ELOVL6: variants seen among roughly 807,000 people sequenced by gnomAD.
ELOVL6 encodes very long chain fatty acid elongase 6.
Under a neutral mutation model 31.7 loss-of-function variants are expected in ELOVL6, and 8 were observed. The observed-to-expected ratio is 0.25, with a 90% CI of 0.15 to 0.45. The LOEUF (loss-of-function observed/expected upper bound fraction) is 0.45, where lower values mean the gene tolerates loss of function less well. ELOVL6 is among the 20% of genes least tolerant of loss of function. ELOVL6 has a pLI of 1.00. For missense variants in ELOVL6, 126 were observed against 326.4 expected (o/e 0.39, Z 4.73); for synonymous variants, 101 against 117.7 (o/e 0.86, Z 0.92).
chr4:110,126,979 CA>C (rs397972931), intron 1 of ELOVL6, among the ~76,000 whole-genome samples: 128 of 145,432 alleles, frequency 8.8e-4, no homozygotes, highest in Admixed American at 1.6e-3. Context: ...ACTGTAATTA[CA>C]AAAAAAAAAT....
At chr4:110,082,067 TG>T (rs1352448066) in intron 2 of ELOVL6, among the ~76,000 whole-genome samples, 2 of 146,206 alleles carry the variant, frequency 1.4e-5, no homozygotes, top group Non-Finnish European at 3.0e-5. Flanking sequence ...CCAGTTAGAA[TG>T]GCAATCATTA....
chr4:110,167,052 G>A (rs1758799102), intron 1 of ELOVL6, among the ~76,000 whole-genome samples: 1 of 152,056 alleles, frequency 6.6e-6, no homozygotes, highest in Admixed American at 6.6e-5. Context: ...CCTGTCTCCT[G>A]CATGTCAGGC....
At chr4:110,084,137 G>GAT (rs1208624293) in intron 2 of ELOVL6, among the ~76,000 whole-genome samples, 2 of 60,908 alleles carry the variant, frequency 3.3e-5, no homozygotes, top group Non-Finnish European at 4.9e-5. Context: ...ATGTGATAAT[G>GAT]ATATATATGA....
intron 1 of ELOVL6, among the ~76,000 whole-genome samples, chr4:110,127,586 C>CAT (rs758595379): frequency 0.71 from 107,164 of 151,312 alleles, 38,074 homozygotes; most frequent in African/African-American, 0.77. Context: ...AGTTAGTTTT[C>CAT]CAGGTGAAAG....
At chr4:110,183,169 C>T (rs1042489080) in intron 1 of ELOVL6, among the ~76,000 whole-genome samples, 4 of 152,186 alleles carry the variant, frequency 2.6e-5, no homozygotes, top group African/African-American at 9.7e-5. Context: ...TTTGCTACTA[C>T]GGGCAGTCAC....
At chr4:110,064,896 G>A (rs1043087975) in intron 2 of ELOVL6, among the ~76,000 whole-genome samples, 5 of 152,148 alleles carry the variant, frequency 3.3e-5, no homozygotes, top group Admixed American at 2.6e-4. Context: ...CTAGCATGAC[G>A]TTGACATATA....
chr4:110,198,207 AG>A (rs778340458), intron 1 of ELOVL6, 39 bp downstream of exon 1: 3 of 1,235,310 alleles, frequency 2.4e-6, no homozygotes, highest in Non-Finnish European at 3.6e-6. Context: ...GAAGACGCGC[AG>A]GGCTCCCGGG....
chr4:110,060,566 G>A (rs1215403995), intron 2 of ELOVL6, among the ~76,000 whole-genome samples: 1 of 152,196 alleles, frequency 6.6e-6, no homozygotes, highest in Non-Finnish European at 1.5e-5. Context: ...CAGAGAACTG[G>A]TAAGGAAATA....
chr4:110,187,415 A>T (rs1024751501), intron 1 of ELOVL6, among the ~76,000 whole-genome samples: 1 of 151,778 alleles, frequency 6.6e-6, no homozygotes, highest in Non-Finnish European at 1.5e-5. Context: ...TGGACAAATG[A>T]AGGCTTCTCA....
chr4:110,156,375 A>C (rs1758416627), intron 1 of ELOVL6, among the ~76,000 whole-genome samples: 1 of 152,098 alleles, frequency 6.6e-6, no homozygotes, highest in South Asian at 2.1e-4. Context: ...TCCATCTAAA[A>C]TCTTACTAAA....
intron 1 of ELOVL6, among the ~76,000 whole-genome samples, chr4:110,189,592 C>CAAAAAAAAA (rs761765202): frequency 1.3e-5 from 1 of 75,340 alleles, no homozygotes; most frequent in Non-Finnish European, 2.3e-5. Flanking sequence ...GACTCTGTCT[C>CAAAAAAAAA]AAAAAAAAAA....
intron 2 of ELOVL6, among the ~76,000 whole-genome samples, chr4:110,072,116 C>T (rs944572365): frequency 1.3e-5 from 2 of 152,128 alleles, no homozygotes; most frequent in Non-Finnish European, 2.9e-5. Flanking sequence ...TAACTCCTAG[C>T]AGCTGACCAG....
intron 2 of ELOVL6, among the ~76,000 whole-genome samples, chr4:110,081,702 A>G (rs1244598430): frequency 6.6e-6 from 1 of 151,308 alleles, no homozygotes; most frequent in Non-Finnish European, 1.5e-5. Flanking sequence ...TCATGTCTGA[A>G]ACACTAAAAG....
chr4:110,196,346 T>C (rs1050414891), intron 1 of ELOVL6, among the ~76,000 whole-genome samples: 2 of 152,096 alleles, frequency 1.3e-5, no homozygotes, highest in African/African-American at 2.4e-5. Context: ...CTGGAGGATA[T>C]GACAAACATG....
At chr4:110,096,772 G>C (rs963790495) in intron 2 of ELOVL6, among the ~76,000 whole-genome samples, 1 of 152,108 alleles carries the variant, frequency 6.6e-6, no homozygotes, top group East Asian at 1.9e-4. Context: ...TTATCCTGTA[G>C]CTGCAATTTG....
At chr4:110,069,278 A>C (rs988754923) in intron 2 of ELOVL6, among the ~76,000 whole-genome samples, 1 of 151,768 alleles carries the variant, frequency 6.6e-6, no homozygotes, top group East Asian at 1.9e-4. Flanking sequence ...GATATCACAC[A>C]CTATTTTGTA....
intron 3 of ELOVL6, among the ~76,000 whole-genome samples, chr4:110,058,244 C>T (rs1457575679): frequency 3.3e-5 from 5 of 152,134 alleles, no homozygotes; most frequent in Admixed American, 2.0e-4. Context: ...ACCCTGAGAC[C>T]GTTTTCATAT....
chr4:110,198,118 C>T, intron 1 of ELOVL6, 129 bp downstream of exon 1: 1 of 601,808 alleles, frequency 1.7e-6, no homozygotes. Context: ...GACCCGAGAA[C>T]TCAGCGATCA....
chr4:110,130,815 T>C (rs1317645562), intron 1 of ELOVL6, among the ~76,000 whole-genome samples: 1 of 152,220 alleles, frequency 6.6e-6, no homozygotes, highest in Admixed American at 6.5e-5. Flanking sequence ...TTTATGCACA[T>C]GACCATCAGT....
Sources: gnomAD v4.1 joint callset for allele counts (sites outside exome capture counted in the v4.1 genomes callset) on GRCh38, gnomAD v4.1.1 for gene constraint, MANE v1.5 for transcripts, NCBI Gene and HGNC (gene_info 2026-07-23, HGNC 2026-07-21) for gene names.